The following NEBL variants were observed in gnomAD, a reference collection of about 807,000 sequenced individuals.
The protein encoded by NEBL is nebulette, also known as LIM and SH3 protein 2.
In NEBL, 122 loss-of-function variants were observed where a neutral mutation model predicts 140.2. The ratio of observed to expected loss-of-function variants is 0.87; its 90% CI spans 0.75 to 1.01. The LOEUF (loss-of-function observed/expected upper bound fraction) is 1.01. Among genes scored for constraint, NEBL ranks in the 50% least tolerant of loss-of-function variants. The pLI is 0.00. For synonymous variants in NEBL, 436 were observed against 398.9 expected, an observed-to-expected ratio of 1.09 and a Z score of -1.11; for missense variants, 1,365 against 1,231.3, an observed-to-expected ratio of 1.11 and a Z score of -1.62.
chr10:21,279,309 T>TC (rs1842962814), intron 1 of NEBL, among the ~76,000 whole-genome samples: 1 of 149,620 alleles, frequency 6.7e-6, no homozygotes, highest in Non-Finnish European at 1.5e-5. Context: ...TTTTTTTTTT[T>TC]AGACAGTCTC....
intron 1 of NEBL, among the ~76,000 whole-genome samples, chr10:21,254,362 A>G (rs1842627800): frequency 6.6e-6 from 1 of 151,918 alleles, no homozygotes; most frequent in South Asian, 2.1e-4. Context: ...TGAACTCCTG[A>G]TCTTCCATCT....
chr10:21,176,085 C>T (rs533715254), upstream of NEBL, among the ~76,000 whole-genome samples: 15 of 152,150 alleles, frequency 9.9e-5, no homozygotes, highest in African/African-American at 3.4e-4. Context: ...GAGTGGCAGC[C>T]TCGACCTCCC....
intron 2 of NEBL, among the ~76,000 whole-genome samples, chr10:21,082,303 A>T (rs2131938694): frequency 6.6e-6 from 1 of 152,264 alleles, no homozygotes; most frequent in Non-Finnish European, 1.5e-5. Flanking sequence ...CAAAACTTTA[A>T]TGGGGTCTGA....
intron 2 of NEBL, among the ~76,000 whole-genome samples, chr10:21,111,519 G>A (rs1838013077): frequency 1.3e-5 from 2 of 151,636 alleles, no homozygotes; most frequent in African/African-American, 4.9e-5. Context: ...AAATGCTGCT[G>A]GGAAAACTGG....
chr10:21,252,413 T>C (rs950291885), intron 1 of NEBL, among the ~76,000 whole-genome samples: 7 of 152,224 alleles, frequency 4.6e-5, no homozygotes, highest in Non-Finnish European at 4.4e-5. Context: ...GATAGATAGA[T>C]ATTTTATATT....
At chr10:21,180,130 C>A (rs1302329506) in intron 3 of NEBL, among the ~76,000 whole-genome samples, 9 of 150,628 alleles carry the variant, frequency 6.0e-5, no homozygotes, top group African/African-American at 2.2e-4. Flanking sequence ...GAGTGAGACT[C>A]GGTCTCAGAA....
At chr10:21,119,676 C>G (rs2132039340) in intron 2 of NEBL, among the ~76,000 whole-genome samples, 1 of 151,936 alleles carries the variant, frequency 6.6e-6, no homozygotes, top group Non-Finnish European at 1.5e-5. Flanking sequence ...ATGAATCTCC[C>G]AAAAACAAAA....
At chr10:20,939,276 T>C (rs984225618) in intron 4 of NEBL, among the ~76,000 whole-genome samples, 4 of 152,212 alleles carry the variant, frequency 2.6e-5, no homozygotes, top group Non-Finnish European at 2.9e-5. Context: ...TGGGGGCCAA[T>C]ATTCAACATT....
At chr10:20,985,423 T>TCA (rs1837217146) in intron 3 of NEBL, among the ~76,000 whole-genome samples, 1 of 152,166 alleles carries the variant, frequency 6.6e-6, no homozygotes, top group African/African-American at 2.4e-5. Flanking sequence ...TATTTTTTAG[T>TCA]CAGAGTCTCT....
intron 3 of NEBL, among the ~76,000 whole-genome samples, chr10:21,182,442 C>G (rs1235107953): frequency 6.6e-6 from 1 of 152,152 alleles, no homozygotes; most frequent in Non-Finnish European, 1.5e-5. Context: ...TGCCACTGCA[C>G]TCCAGCCTGG....
intron 3 of NEBL, among the ~76,000 whole-genome samples, chr10:21,207,969 C>G (rs958653670): frequency 2.0e-5 from 3 of 152,112 alleles, no homozygotes; most frequent in African/African-American, 7.2e-5. Context: ...GTCACAGGAC[C>G]AACAGGTTCA....
At chr10:21,048,934 C>A (rs1015782666) in intron 2 of NEBL, among the ~76,000 whole-genome samples, 2 of 152,048 alleles carry the variant, frequency 1.3e-5, no homozygotes, top group Non-Finnish European at 2.9e-5. Flanking sequence ...TGCTTGAACC[C>A]GGGAGGTGGA....
intron 2 of NEBL, among the ~76,000 whole-genome samples, chr10:21,101,567 G>C (rs1178958912): frequency 6.6e-6 from 1 of 152,220 alleles, no homozygotes; most frequent in Non-Finnish European, 1.5e-5. Flanking sequence ...TCCCAGAGCA[G>C]AGCCCCTGCA....
Position 21,165,319 on chromosome 10 carries a change from A to G in NEBL, c.164+7064T>C, listed in dbSNP as rs554003431. On this transcript the variant is annotated intron_variant, in intron 2 of 6. Coordinates refer to the NEBL transcript ENST00000417816. The stretch of plus-strand genomic sequence containing the variant: ...AAAGTAAATTCCCACTACGTTCATT[A>G]CAGATCAGAAAACGTGAGACTATCC... Among the ~76,000 whole-genome samples, 3 of 152,298 alleles carry G rather than the reference A, an allele frequency of 2.0e-5. No individual in the cohort carries two copies. The South Asian group carries it at 6.2e-4, about 32-fold the overall frequency.
chr10:21,288,808 A>ATG (rs1843097071), intron 1 of NEBL, among the ~76,000 whole-genome samples: 1 of 81,952 alleles, frequency 1.2e-5, no homozygotes, highest in Non-Finnish European at 2.3e-5. Context: ...GACAATATAT[A>ATG]CGTGTGTGTG....
chr10:21,117,695 A>G (rs1184135902), intron 2 of NEBL, among the ~76,000 whole-genome samples: 1 of 151,972 alleles, frequency 6.6e-6, no homozygotes, highest in African/African-American at 2.4e-5. Context: ...AATCCTTTTT[A>G]CTCAATCATT....
chr10:21,034,572 T>C (rs1589157821), intron 2 of NEBL, among the ~76,000 whole-genome samples: 1 of 152,350 alleles, frequency 6.6e-6, no homozygotes, highest in East Asian at 1.9e-4. Flanking sequence ...TCCTAACTTG[T>C]ATGACTACAA....
At chr10:21,029,241 G>C (rs2131799727) in intron 2 of NEBL, 3 of 1,540,702 alleles carry the variant, frequency 1.9e-6, no homozygotes, top group African/African-American at 2.7e-5. Flanking sequence ...CGGCTGCTCG[G>C]GAACCCAATA....
In NEBL at chr10:20,812,954, AATC is replaced by A; in HGVS notation, c.2347-17_2347-15del. On this transcript the variant is annotated splice_polypyrimidine_tract_variant and intron_variant, in intron 23 of 27. Coordinates refer to ENST00000377122, the MANE Select transcript of NEBL (RefSeq NM_006393.3). ...ATGGTATTTTACCTGAAAAAGGAAA[AATC>A]ATCATACTGAATTTTGCGGATAGTT... 1.9e-6 allele frequency: 3 copies of A among 1,611,290 alleles called. No individual in the cohort carries two copies. Among genetic ancestry groups the A allele is most frequent in the Non-Finnish European group, 2.5e-6 (3 of 1,177,688 alleles).
Sources: gnomAD v4.1 joint callset for allele counts (sites outside exome capture counted in the v4.1 genomes callset) on GRCh38, gnomAD v4.1.1 for gene constraint, MANE v1.5 for transcripts, NCBI Gene and HGNC (gene_info 2026-07-23, HGNC 2026-07-21) for gene names.